Variants in ATE1 observed in about 807,000 individuals in gnomAD.
ATE1 encodes arginyl-tRNA--protein transferase 1.
A neutral mutation model predicts 70.5 loss-of-function variants in ATE1; 36 were observed. The observed-to-expected ratio is 0.51, with a 90% CI of 0.39 to 0.67. ATE1 has a LOEUF of 0.67. ATE1 is among the 30% of genes least tolerant of loss of function. ATE1 has a pLI of 0.00. For missense variants in ATE1, 593 were observed against 629.5 expected, an observed-to-expected ratio of 0.94 and a Z score of 0.62; for synonymous variants, 232 against 219.3, an observed-to-expected ratio of 1.06 and a Z score of -0.51.
At chr10:121,907,974 T>C (rs1292758645) in intron 5 of ATE1, among the ~76,000 whole-genome samples, 1 of 152,066 alleles carries the variant, frequency 6.6e-6, no homozygotes, top group Non-Finnish European at 1.5e-5. Context: ...AAGAAATGCC[T>C]GTACAAGATG....
chr10:121,841,147 T>A lies in ATE1; in HGVS notation c.1092A>T (p.Ser364=). ...GVIDILPNCV[S]SVYLYYDPDY... ...CAGGATCGTAGTACAAATACACAGA[T>A]GATACACAGTTTGGGAGGATGTCAA... Residue 364 remains serine (S), a synonymous_variant, in exon 9 of 12, where the codon TCA becomes TCT. Transcript: ENST00000224652. 2 of 1,598,580 alleles carry A rather than the reference T, an allele frequency of 1.3e-6. No homozygotes were observed.
At chr10:121,861,595 G>A (rs1380901139) in intron 8 of ATE1, among the ~76,000 whole-genome samples, 1 of 142,126 alleles carries the variant, frequency 7.0e-6, no homozygotes, top group African/African-American at 2.6e-5. Flanking sequence ...ACTGTTGTGG[G>A]GTGGCGGGAG....
chr10:121,781,766 C>T (rs1946001871), intron 11 of ATE1, among the ~76,000 whole-genome samples: 1 of 152,120 alleles, frequency 6.6e-6, no homozygotes, highest in South Asian at 2.1e-4. Flanking sequence ...TAATTCTTTC[C>T]CTATTGTCAA....
chr10:121,875,905 T>C (rs1950035119), intron 7 of ATE1, among the ~76,000 whole-genome samples: 1 of 152,238 alleles, frequency 6.6e-6, no homozygotes, highest in South Asian at 2.1e-4. Flanking sequence ...TTTTTGTTTT[T>C]AATTTCATAT....
At chr10:121,745,450 C>A (rs147130180) in intron 11 of ATE1, among the ~76,000 whole-genome samples, 1 of 152,216 alleles carries the variant, frequency 6.6e-6, no homozygotes, top group Non-Finnish European at 1.5e-5. Flanking sequence ...GGTGCAGTGG[C>A]TCACGCCTGT....
chr10:121,928,463 C>T (rs1437457541), upstream of ATE1: 2 of 1,505,798 alleles, frequency 1.3e-6, no homozygotes, highest in South Asian at 2.5e-5. Flanking sequence ...GGGCCGACCA[C>T]GCCTCTTGGC....
At chr10:121,753,509 A>C (rs970292509) in intron 11 of ATE1, among the ~76,000 whole-genome samples, 1 of 152,220 alleles carries the variant, frequency 6.6e-6, no homozygotes, top group African/African-American at 2.4e-5. Flanking sequence ...ATTTGGTATC[A>C]AAGTCCAGTA....
chr10:121,875,591 C>A (rs528397948), intron 7 of ATE1, among the ~76,000 whole-genome samples: 25 of 152,260 alleles, frequency 1.6e-4, no homozygotes, highest in African/African-American at 5.1e-4. Flanking sequence ...AGGCGTGAGC[C>A]ACCGCGCCCA....
chr10:121,753,870 C>T lies in ATE1; in HGVS notation c.1379-10012G>A, dbSNP rs142877292. Among the ~76,000 whole-genome samples, 880 of 152,296 alleles carry T rather than the reference C, an allele frequency of 5.8e-3. 14 individuals are homozygous for T. Among genetic ancestry groups the T allele is most frequent in the African/African-American group, 0.019 (797 of 41,550 alleles). On this transcript the variant is annotated intron_variant, in intron 11 of 11. Coordinates refer to ENST00000224652, the MANE Select transcript of ATE1 (RefSeq NM_001001976.3). ...AGGGAAGTTGGTTTATGTGCTGGGG[C>T]TGGGCCAAAGAGACATTTGTGAGTT...
chr10:121,803,614 A>G (rs961461751), intron 10 of ATE1, among the ~76,000 whole-genome samples: 7 of 152,234 alleles, frequency 4.6e-5, no homozygotes, highest in Non-Finnish European at 7.3e-5. Flanking sequence ...TTTAAAATGT[A>G]TATGCCCTGA....
Position 121,809,439 on chromosome 10 carries a change from C to G in ATE1, c.1258-19150G>C, listed in dbSNP as rs548665725. ...GCACAAGCACTTTACATATACTACC[C>G]ATTTCATCACACTGAATATGGGGGA... On this transcript the variant is annotated intron_variant, in intron 10 of 11. Coordinates refer to ENST00000224652, the MANE Select transcript of ATE1 (RefSeq NM_001001976.3). Among the ~76,000 whole-genome samples the G allele has an allele frequency of 1.6e-4, 25 of 152,264 alleles. No homozygotes were observed. In the South Asian group the frequency reaches 4.6e-3, roughly 28 times the overall value.
chr10:121,861,166 C>G (rs1949452840), intron 8 of ATE1, among the ~76,000 whole-genome samples: 2 of 152,170 alleles, frequency 1.3e-5, no homozygotes, highest in African/African-American at 4.8e-5. Flanking sequence ...AACACCACTA[C>G]TCGCTAAAGG....
At chr10:121,815,175 G>T (rs1038083390) in intron 10 of ATE1, among the ~76,000 whole-genome samples, 1 of 152,180 alleles carries the variant, frequency 6.6e-6, no homozygotes, top group Admixed American at 6.5e-5. Flanking sequence ...TCTCGCTGTC[G>T]CCCAGGCTGG....
At chr10:121,746,415 C>CT (rs1294465574) in intron 11 of ATE1, among the ~76,000 whole-genome samples, 3 of 152,116 alleles carry the variant, frequency 2.0e-5, no homozygotes, top group Admixed American at 1.3e-4. Flanking sequence ...ACAAACTCAT[C>CT]TTTTTTTATA....
intron 10 of ATE1, among the ~76,000 whole-genome samples, chr10:121,815,910 A>G (rs1947522853): frequency 6.6e-6 from 1 of 152,128 alleles, no homozygotes; most frequent in South Asian, 2.1e-4. Flanking sequence ...ACCTCTTCCC[A>G]CCAGATGCCC....
At position 121,790,164 on chromosome 10, in the gene ATE1, CAT is replaced by C; in HGVS notation, c.1378+3_1378+4del. 1 of 1,613,878 alleles carries C rather than the reference CAT, an allele frequency of 6.2e-7. No homozygotes were observed. The highest frequency in any genetic ancestry group is 8.5e-7 in the Non-Finnish European group (1 of 1,179,858). ...ATTTCCAGCTGAGCTCAGCTCCAAA[CAT>C]ACCTGCTTCTGGGTCCTGGTTGAAA... On this transcript the variant is annotated splice_donor_region_variant and intron_variant, in intron 11 of 11. Transcript: ENST00000224652.
intron 11 of ATE1, among the ~76,000 whole-genome samples, chr10:121,753,238 G>C (rs1390848124): frequency 6.6e-6 from 1 of 152,084 alleles, no homozygotes; most frequent in East Asian, 1.9e-4. Flanking sequence ...CTATGTACAA[G>C]GTCATGTCAT....
chr10:121,866,610 G>C (rs1590561853), intron 8 of ATE1, among the ~76,000 whole-genome samples: 1 of 152,116 alleles, frequency 6.6e-6, no homozygotes, highest in South Asian at 2.1e-4. Context: ...CACTTTGGGA[G>C]GACCAGGCGG....
At chr10:121,876,897 C>T (rs1291384993) in intron 7 of ATE1, among the ~76,000 whole-genome samples, 3 of 149,672 alleles carry the variant, frequency 2.0e-5, no homozygotes, top group East Asian at 2.0e-4. Context: ...ACCCGGGAGG[C>T]GGAGCTTGCA....
Sources: allele counts gnomAD v4.1 joint callset (sites outside exome capture counted in the v4.1 genomes callset), GRCh38; gene constraint gnomAD v4.1.1; transcripts MANE v1.5; gene names NCBI Gene and HGNC (gene_info 2026-07-23, HGNC 2026-07-21).